Variants in MYO9A observed in about 807,000 individuals in gnomAD.
MYO9A encodes the protein unconventional myosin-IXa.
Under a neutral mutation model 293.3 loss-of-function variants are expected in MYO9A, and 103 were observed. The ratio of observed to expected loss-of-function variants is 0.35; its 90% CI spans 0.30 to 0.41. MYO9A has a LOEUF of 0.41. Ranked by LOEUF, MYO9A falls within the 10% of genes least tolerant of loss-of-function variation. The pLI is 1.00. For missense variants in MYO9A, 2,685 were observed against 3,033.0 expected, an observed-to-expected ratio of 0.89 and a Z score of 2.69; for synonymous variants, 1,001 against 1,035.7, an observed-to-expected ratio of 0.97 and a Z score of 0.64.
chr15:72,001,545 C>T (rs2076864224), intron 8 of MYO9A, among the ~76,000 whole-genome samples: 1 of 99,086 alleles, frequency 1.0e-5, no homozygotes, highest in Non-Finnish European at 2.0e-5. Context: ...CAGAGTCAGA[C>T]TCCATCTCAA....
intron 39 of MYO9A, among the ~76,000 whole-genome samples, chr15:71,837,525 T>A (rs2054991577): frequency 6.6e-6 from 1 of 152,114 alleles, no homozygotes; most frequent in African/African-American, 2.4e-5. Context: ...ATTCCTAGTG[T>A]CCACATTCCA....
chr15:71,852,041 C>A, intron 36 of MYO9A, 91 bp downstream of exon 36: 1 of 1,357,340 alleles, frequency 7.4e-7, no homozygotes, highest in Non-Finnish European at 9.9e-7. Flanking sequence ...AAGAATTAAA[C>A]CACTAGAGGA....
chr15:71,922,580 G>C (rs1221038582), intron 18 of MYO9A, among the ~76,000 whole-genome samples: 1 of 104,890 alleles, frequency 9.5e-6, no homozygotes, highest in African/African-American at 3.9e-5. Context: ...ATTATCCTTT[G>C]ACCAGTGTTG....
chr15:71,853,652 G>C (rs560667089), intron 35 of MYO9A, among the ~76,000 whole-genome samples: 2 of 152,312 alleles, frequency 1.3e-5, no homozygotes, highest in South Asian at 4.1e-4. Flanking sequence ...AGTTCAAAAA[G>C]ATCTATTCCT....
At chr15:72,011,320 C>T (rs2077167794) in intron 6 of MYO9A, among the ~76,000 whole-genome samples, 1 of 151,198 alleles carries the variant, frequency 6.6e-6, no homozygotes, top group South Asian at 2.1e-4. Context: ...CCTGTTACAT[C>T]TACATTAGAT....
intron 15 of MYO9A, among the ~76,000 whole-genome samples, chr15:71,939,278 G>T (rs940876603): frequency 6.6e-6 from 1 of 152,020 alleles, no homozygotes; most frequent in African/African-American, 2.4e-5. Flanking sequence ...ATGTAACGGG[G>T]GTTTGTTGTG....
At chr15:72,097,805 G>A (rs1164230368) in intron 1 of MYO9A, among the ~76,000 whole-genome samples, 1 of 152,108 alleles carries the variant, frequency 6.6e-6, no homozygotes, top group Non-Finnish European at 1.5e-5. Flanking sequence ...AGCTACTCAG[G>A]AGGCTGAGGC....
At chr15:72,052,703 G>A (rs1350024732) in intron 1 of MYO9A, among the ~76,000 whole-genome samples, 1 of 152,154 alleles carries the variant, frequency 6.6e-6, no homozygotes, top group Non-Finnish European at 1.5e-5. Context: ...AGCTGCTTGA[G>A]GTATGCCTGA....
chr15:71,921,401 T>C (rs2058151986), intron 18 of MYO9A, among the ~76,000 whole-genome samples: 1 of 152,210 alleles, frequency 6.6e-6, no homozygotes. Context: ...AAAGGCTCCC[T>C]GTAATAACAA....
Position 71,873,163 on chromosome 15 carries a change from C to A in MYO9A, c.5979+2628G>T, listed in dbSNP as rs560989665. ...AACTCCCGACCTCAGGTGATCCACA[C>A]CTGCCTCAGCCTCCCAAAGTGCTGG... On this transcript the variant is annotated intron_variant, in intron 32 of 41. Transcript: ENST00000356056. Among the ~76,000 whole-genome samples the A allele has an allele frequency of 4.0e-4, 61 of 152,180 alleles. 2 individuals carry two copies. In the Middle Eastern group the frequency reaches 0.014, roughly 34 times the overall value.
At chr15:72,031,042 T>C (rs1350564140) in intron 3 of MYO9A, among the ~76,000 whole-genome samples, 2 of 152,106 alleles carry the variant, frequency 1.3e-5, no homozygotes, top group Non-Finnish European at 2.9e-5. Flanking sequence ...GTAAACCCTA[T>C]TGTGAATCAC....
intron 1 of MYO9A, among the ~76,000 whole-genome samples, chr15:72,080,047 C>T (rs1413226358): frequency 1.3e-5 from 2 of 152,132 alleles, no homozygotes; most frequent in Admixed American, 6.6e-5. Flanking sequence ...TCTGTAATGC[C>T]ATCCCTACAA....
chr15:72,013,484 C>T (rs895062333), intron 6 of MYO9A, among the ~76,000 whole-genome samples: 15 of 152,186 alleles, frequency 9.9e-5, no homozygotes, highest in African/African-American at 3.6e-4. Context: ...AGGGAACTAA[C>T]CAACAACTGT....
intron 9 of MYO9A, among the ~76,000 whole-genome samples, chr15:71,997,911 G>A (rs2076745447): frequency 6.6e-6 from 1 of 152,078 alleles, no homozygotes; most frequent in African/African-American, 2.4e-5. Context: ...AAGACAGTGT[G>A]GCAATTCCTC....
chr15:72,045,576 T>G lies in MYO9A; in HGVS notation c.840+148A>C, dbSNP rs2078361253. On this transcript the variant is annotated intron_variant, in intron 2 of 41. Coordinates refer to ENST00000356056, the MANE Select transcript of MYO9A (RefSeq NM_006901.4). The stretch of plus-strand genomic sequence containing the variant: ...CCATTGCGCCCAGCCCTAAATGAGT[T>G]TTTGGAGCTGGGAGATGGAACAGTA... 13 of 968,456 alleles carry G rather than the reference T, an allele frequency of 1.3e-5. 1 individual carries two copies. The South Asian group carries it at 2.6e-4, about 20-fold the overall frequency. 60.0% of individuals were successfully genotyped at this position (968,456 alleles called of 1,614,324 possible).
At chr15:71,868,770 C>G (rs1034603483) in intron 32 of MYO9A, among the ~76,000 whole-genome samples, 3 of 151,898 alleles carry the variant, frequency 2.0e-5, no homozygotes, top group African/African-American at 7.3e-5. Context: ...AAAGTTATAA[C>G]AAAAATTTAC....
chr15:72,083,803 T>C (rs1340325202), intron 1 of MYO9A, among the ~76,000 whole-genome samples: 1 of 152,220 alleles, frequency 6.6e-6, no homozygotes, highest in African/African-American at 2.4e-5. Flanking sequence ...TGTAATTGTA[T>C]GGTTTTGAGC....
intron 32 of MYO9A, among the ~76,000 whole-genome samples, chr15:71,866,705 ACAAT>A (rs1490265247): frequency 6.6e-6 from 1 of 152,182 alleles, no homozygotes; most frequent in Non-Finnish European, 1.5e-5. Context: ...CTCAAACTAG[ACAAT>A]CAAATAGTTG....
At chr15:71,837,975 T>C (rs1053138505) in intron 39 of MYO9A, among the ~76,000 whole-genome samples, 1 of 152,128 alleles carries the variant, frequency 6.6e-6, no homozygotes, top group South Asian at 2.1e-4. Flanking sequence ...ATTTTTTCTT[T>C]TGGATCCATG....
Sources: gnomAD v4.1 joint callset for allele counts (sites outside exome capture counted in the v4.1 genomes callset) on GRCh38, gnomAD v4.1.1 for gene constraint, MANE v1.5 for transcripts, NCBI Gene and HGNC (gene_info 2026-07-23, HGNC 2026-07-21) for gene names.